The following PDSS2 variants were observed in gnomAD, a reference collection of about 807,000 sequenced individuals.
PDSS2 encodes all trans-polyprenyl-diphosphate synthase PDSS2.
PDSS2 carries 31 observed loss-of-function variants against 44.5 expected under a neutral mutation model. The ratio of observed to expected loss-of-function variants is 0.70; its 90% CI spans 0.52 to 0.94. PDSS2 has a LOEUF of 0.94. Ranked by LOEUF, PDSS2 falls within the 40% of genes least tolerant of loss-of-function variation. The pLI is 0.00. For missense variants in PDSS2, 452 were observed against 482.2 expected (o/e 0.94, Z 0.59); for synonymous variants, 157 against 180.3 (o/e 0.87, Z 1.03).
intron 1 of PDSS2, among the ~76,000 whole-genome samples, chr6:107,445,323 C>G (rs1781637464): frequency 6.6e-6 from 1 of 152,054 alleles, no homozygotes; most frequent in South Asian, 2.1e-4. Flanking sequence ...TTCCATCCTA[C>G]CAATCTATGT....
intron 7 of PDSS2, among the ~76,000 whole-genome samples, chr6:107,190,864 G>A (rs545158660): frequency 8.5e-5 from 13 of 152,192 alleles, no homozygotes; most frequent in African/African-American, 3.1e-4. Flanking sequence ...AGCAAGCTCC[G>A]AATGTGCCGG....
At chr6:107,303,072 T>C (rs1355429460) in intron 2 of PDSS2, among the ~76,000 whole-genome samples, 3 of 152,180 alleles carry the variant, frequency 2.0e-5, no homozygotes, top group African/African-American at 7.2e-5. Context: ...AGTTCATGGT[T>C]CTGGATGCTG....
At chr6:107,401,000 C>G (rs1780090075) in intron 1 of PDSS2, among the ~76,000 whole-genome samples, 1 of 152,194 alleles carries the variant, frequency 6.6e-6, no homozygotes, top group South Asian at 2.1e-4. Flanking sequence ...TAATCCATAG[C>G]CCAGCCCGTT....
In PDSS2 at chr6:107,458,663, A is replaced by C. The variant is rs77440144; in HGVS notation, c.296+327T>G. ...ATCTATCCCATTAAAAAAAAAAAAA[A>C]TTTCTAGGAAGTGACTCAATAAACC... is the stretch of plus-strand genomic sequence containing the variant. On this transcript the variant is annotated intron_variant, in intron 1 of 7. Coordinates refer to ENST00000369037, the MANE Select transcript of PDSS2 (RefSeq NM_020381.4). Among the ~76,000 whole-genome samples the C allele has an allele frequency of 2.4e-3, 364 of 151,480 alleles. 2 individuals are homozygous for C. Among genetic ancestry groups the C allele is most frequent in the Non-Finnish European group, 4.1e-3 (278 of 67,832 alleles).
intron 4 of PDSS2, among the ~76,000 whole-genome samples, chr6:107,215,201 C>A (rs1319809670): frequency 1.3e-5 from 2 of 152,074 alleles, no homozygotes; most frequent in Non-Finnish European, 2.9e-5. Flanking sequence ...CAAAATTCAA[C>A]TCCTATTCTT....
intron 7 of PDSS2, among the ~76,000 whole-genome samples, chr6:107,163,504 A>G (rs1554247062): frequency 6.6e-6 from 1 of 152,224 alleles, no homozygotes; most frequent in African/African-American, 2.4e-5. Flanking sequence ...ACTGACTCCA[A>G]GGAAATCCTT....
intron 2 of PDSS2, among the ~76,000 whole-genome samples, chr6:107,306,263 G>A (rs979632699): frequency 1.3e-5 from 2 of 152,296 alleles, no homozygotes; most frequent in African/African-American, 2.4e-5. Context: ...GGAAGTAACT[G>A]AATCATGGGG....
intron 4 of PDSS2, among the ~76,000 whole-genome samples, chr6:107,218,089 C>T (rs1372936792): frequency 6.6e-6 from 1 of 152,198 alleles, no homozygotes; most frequent in African/African-American, 2.4e-5. Flanking sequence ...TTCATAAAAC[C>T]TCCAACCTTC....
intron 3 of PDSS2, 127 bp downstream of exon 3, chr6:107,273,900 GTT>G: frequency 2.7e-6 from 2 of 749,150 alleles, no homozygotes; most frequent in Non-Finnish European, 4.8e-6. Flanking sequence ...GTTCATCACA[GTT>G]TTACTGTTTA....
At chr6:107,331,284 GT>G (rs964504186) in intron 2 of PDSS2, among the ~76,000 whole-genome samples, 3 of 151,942 alleles carry the variant, frequency 2.0e-5, no homozygotes, top group African/African-American at 4.8e-5. Flanking sequence ...ACATTAACAA[GT>G]GTGTAAAACA....
chr6:107,435,317 C>T (rs1311744716), intron 1 of PDSS2, among the ~76,000 whole-genome samples: 1 of 146,166 alleles, frequency 6.8e-6, no homozygotes, highest in Non-Finnish European at 1.5e-5. Flanking sequence ...CACACACACA[C>T]ACACACACAC....
At chr6:107,183,301 T>C (rs1772050622) in intron 7 of PDSS2, among the ~76,000 whole-genome samples, 1 of 152,084 alleles carries the variant, frequency 6.6e-6, no homozygotes, top group African/African-American at 2.4e-5. Context: ...ATAAACGTCT[T>C]ATCTAATTAT....
At chr6:107,175,554 A>G (rs1771758147) in intron 7 of PDSS2, among the ~76,000 whole-genome samples, 1 of 152,202 alleles carries the variant, frequency 6.6e-6, no homozygotes, top group South Asian at 2.1e-4. Flanking sequence ...AAAGATACAT[A>G]TCACAGATTA....
At chr6:107,200,821 C>T (rs1420284762) in intron 6 of PDSS2, among the ~76,000 whole-genome samples, 1 of 151,996 alleles carries the variant, frequency 6.6e-6, no homozygotes, top group Non-Finnish European at 1.5e-5. Flanking sequence ...TGCCCACCAC[C>T]ATGCCTGGAT....
chr6:107,418,477 A>G (rs1673988071), intron 1 of PDSS2, among the ~76,000 whole-genome samples: 1 of 151,952 alleles, frequency 6.6e-6, no homozygotes, highest in Admixed American at 6.6e-5. Context: ...CTTGTAATAC[A>G]GTTGTGTTGT....
chr6:107,419,121 AT>A (rs1003724947), intron 1 of PDSS2, among the ~76,000 whole-genome samples: 5 of 151,810 alleles, frequency 3.3e-5, no homozygotes, highest in East Asian at 1.9e-4. Flanking sequence ...CTCAAATATC[AT>A]TTTTTTTAAC....
At chr6:107,160,568 T>C (rs1341625399) in intron 7 of PDSS2, among the ~76,000 whole-genome samples, 2 of 151,978 alleles carry the variant, frequency 1.3e-5, no homozygotes, top group African/African-American at 4.8e-5. Flanking sequence ...CTCAAGATGG[T>C]TTTAAACTCC....
chr6:107,157,921 T>C (rs1562339458), intron 7 of PDSS2, among the ~76,000 whole-genome samples: 2 of 152,082 alleles, frequency 1.3e-5, no homozygotes, highest in Non-Finnish European at 2.9e-5. Context: ...TCTGCCTGCC[T>C]CGGCCTCCCA....
chr6:107,421,496 T>C (rs545230761), intron 1 of PDSS2, among the ~76,000 whole-genome samples: 18 of 152,222 alleles, frequency 1.2e-4, no homozygotes, highest in African/African-American at 4.1e-4. Context: ...AGATATTAAT[T>C]AGCAGTAAAA....
Sources: gnomAD v4.1 joint callset for allele counts (sites outside exome capture counted in the v4.1 genomes callset) on GRCh38, gnomAD v4.1.1 for gene constraint, MANE v1.5 for transcripts, NCBI Gene and HGNC (gene_info 2026-07-23, HGNC 2026-07-21) for gene names.